CLASP2: variants seen among roughly 807,000 people sequenced by gnomAD.
CLASP2 encodes cytoplasmic linker associated protein 2.
A neutral mutation model predicts 194.4 loss-of-function variants in CLASP2; 47 were observed. The observed-to-expected ratio is 0.24, with a 90% CI of 0.19 to 0.31. CLASP2 has a LOEUF of 0.31. Ranked by LOEUF, CLASP2 falls within the 10% of genes least tolerant of loss-of-function variation. The probability of loss-of-function intolerance (pLI) is 1.00; values close to 1 mark genes in which losing one functional copy is unlikely to be tolerated. For missense variants in CLASP2, 1,445 were observed against 1,823.6 expected (o/e 0.79, Z 3.78); for synonymous variants, 619 against 633.5 (o/e 0.98, Z 0.34).
At chr3:33,556,089 G>T (rs2060873031) in intron 29 of CLASP2, among the ~76,000 whole-genome samples, 1 of 152,138 alleles carries the variant, frequency 6.6e-6, no homozygotes, top group African/African-American at 2.4e-5. Context: ...AGAAAAAGAG[G>T]TCAGCAAAGA....
rs189601523 is a variant in CLASP2, at chr3:33,572,029, G to A, written c.2699+1081C>T. 1.8e-3 allele frequency among the ~76,000 whole-genome samples: 273 copies of A among 152,258 alleles called. 1 individual carries two copies. The highest frequency in any genetic ancestry group is 6.0e-3 in the African/African-American group (251 of 41,548). ...TTTACATATGGCATTCCCAATACAT[G>A]AATTTTATCCTTTTAAGTGTTAAGA... On this transcript the variant is annotated intron_variant, in intron 25 of 38. Transcript: ENST00000682230.
At chr3:33,543,160 G>T (rs1316426050) in intron 32 of CLASP2, among the ~76,000 whole-genome samples, 1 of 152,152 alleles carries the variant, frequency 6.6e-6, no homozygotes, top group Non-Finnish European at 1.5e-5. Flanking sequence ...ATCACCTAAG[G>T]TCAGGAGTTT....
Position 33,498,535 on chromosome 3 carries a change from A to C in CLASP2, c.*96T>G. 1 of 744,570 alleles carries C rather than the reference A, an allele frequency of 1.3e-6. No individual in the cohort carries two copies. The highest frequency in any genetic ancestry group is 2.3e-6 in the Non-Finnish European group (1 of 443,480). 46.1% of individuals were successfully genotyped at this position (744,570 alleles called of 1,614,324 possible). A position where few individuals can be genotyped will look rare whatever the true frequency, so the allele number is the denominator to read the frequency against. On this transcript the variant is annotated 3_prime_UTR_variant, in exon 39 of 39. Coordinates refer to ENST00000682230, the MANE Select transcript of CLASP2 (RefSeq NM_001365631.1). ...AAACTAAAACTGGGAAACAATAGTA[A>C]GTTCCAAAGGATGTGTTTGAGAACT...
chr3:33,511,030 A>ATTTT (rs397875429), intron 36 of CLASP2, among the ~76,000 whole-genome samples: 77 of 105,864 alleles, frequency 7.3e-4, no homozygotes, highest in Non-Finnish European at 1.3e-3. Context: ...TGGCTAAAGT[A>ATTTT]TTTTTTTTTT....
chr3:33,573,388 C>A, intron 24 of CLASP2, 34 bp from the exon 25 acceptor site: 2 of 1,603,448 alleles, frequency 1.2e-6, no homozygotes, highest in South Asian at 2.2e-5. Context: ...TAGCAGTAGC[C>A]AAAAGAATAT....
At chr3:33,541,039 C>T (rs1353794540) in intron 32 of CLASP2, among the ~76,000 whole-genome samples, 1 of 152,146 alleles carries the variant, frequency 6.6e-6, no homozygotes, top group Non-Finnish European at 1.5e-5. Context: ...TCCCAAAGTG[C>T]TGGGATTACA....
At chr3:33,596,841 T>A in intron 18 of CLASP2, 107 bp from the exon 19 acceptor site, 1 of 845,830 alleles carries the variant, frequency 1.2e-6, no homozygotes. Context: ...GAATTCATAG[T>A]ACAGACGTAT....
At chr3:33,534,816 C>T (rs1272738427) in intron 34 of CLASP2, among the ~76,000 whole-genome samples, 4 of 152,056 alleles carry the variant, frequency 2.6e-5, no homozygotes, top group South Asian at 2.1e-4. Flanking sequence ...TATATTTCGT[C>T]CTTGAAATGT....
intron 6 of CLASP2, among the ~76,000 whole-genome samples, chr3:33,670,410 G>A (rs934063908): frequency 6.6e-6 from 1 of 152,160 alleles, no homozygotes; most frequent in Non-Finnish European, 1.5e-5. Flanking sequence ...TCTGTATGGA[G>A]TTCCTAGCTG....
chr3:33,549,132 CCT>C (rs1472001626), intron 30 of CLASP2, among the ~76,000 whole-genome samples: 1 of 152,010 alleles, frequency 6.6e-6, no homozygotes, highest in Admixed American at 6.6e-5. Context: ...CTCTTTTTAC[CCT>C]GATATGTTTA....
Position 33,718,083 on chromosome 3 carries a change from C to G in CLASP2, c.-81G>C, listed in dbSNP as rs77134634. 13 of 1,384,830 alleles carry G rather than the reference C, an allele frequency of 9.4e-6. No individual in the cohort carries two copies. In the East Asian group the frequency reaches 3.4e-4, roughly 36 times the overall value. 85.8% of individuals were successfully genotyped at this position (1,384,830 alleles called of 1,614,324 possible). On this transcript the variant is annotated 5_prime_UTR_variant, in exon 1 of 39. Coordinates refer to ENST00000682230, the MANE Select transcript of CLASP2 (RefSeq NM_001365631.1). The stretch of plus-strand genomic sequence containing the variant: ...CCGCCCAGCCTCCAGTGCGGGTCCC[C>G]GCGGGAGCGGGCGGGACTCACTTAG...
At chr3:33,669,586 A>T (rs2086781785) in intron 6 of CLASP2, among the ~76,000 whole-genome samples, 1 of 145,922 alleles carries the variant, frequency 6.9e-6, no homozygotes, top group Non-Finnish European at 1.5e-5. Context: ...AACTCAATTT[A>T]AAAAAAAAAA....
intron 29 of CLASP2, 154 bp downstream of exon 29, chr3:33,559,153 T>C: frequency 1.4e-6 from 1 of 700,000 alleles, no homozygotes; most frequent in Non-Finnish European, 2.6e-6. Context: ...GTGAAGCTGG[T>C]CCCGAAGTGC....
intron 20 of CLASP2, chr3:33,592,807 T>A: frequency 2.9e-6 from 1 of 340,168 alleles, no homozygotes; most frequent in Non-Finnish European, 5.6e-6. Flanking sequence ...CAATTGGTAG[T>A]TGCAATTCTG....
chr3:33,508,426 G>T (rs1165898040), intron 37 of CLASP2, among the ~76,000 whole-genome samples: 1 of 152,116 alleles, frequency 6.6e-6, no homozygotes, highest in African/African-American at 2.4e-5. Context: ...TACCTCCCGG[G>T]TTCACGCCAT....
At chr3:33,593,299 A>G (rs1217468333) in intron 20 of CLASP2, among the ~76,000 whole-genome samples, 1 of 152,184 alleles carries the variant, frequency 6.6e-6, no homozygotes, top group Non-Finnish European at 1.5e-5. Context: ...ATTGGTGGGT[A>G]CTTTGGTGTT....
At chr3:33,710,913 G>A (rs1227250474) in intron 1 of CLASP2, among the ~76,000 whole-genome samples, 4 of 152,162 alleles carry the variant, frequency 2.6e-5, no homozygotes, top group African/African-American at 4.8e-5. Context: ...CCAGCCTGGC[G>A]ACTGAGTGAG....
chr3:33,628,261 A>C (rs1281605396), intron 9 of CLASP2, among the ~76,000 whole-genome samples: 2 of 152,130 alleles, frequency 1.3e-5, no homozygotes, highest in Non-Finnish European at 2.9e-5. Context: ...TATGTGGTTA[A>C]AGAAACTTCT....
At chr3:33,702,296 T>G (rs1286932817) in intron 1 of CLASP2, among the ~76,000 whole-genome samples, 1 of 152,108 alleles carries the variant, frequency 6.6e-6, no homozygotes, top group Non-Finnish European at 1.5e-5. Flanking sequence ...TATAAATTAA[T>G]GAAATAGAAC....
Sources: gnomAD v4.1 joint callset for allele counts (sites outside exome capture counted in the v4.1 genomes callset) on GRCh38, gnomAD v4.1.1 for gene constraint, MANE v1.5 for transcripts, NCBI Gene and HGNC (gene_info 2026-07-23, HGNC 2026-07-21) for gene names.